The following RASA1 variants were observed in gnomAD, a reference collection of about 807,000 sequenced individuals.
RASA1 encodes the protein ras GTPase-activating protein 1.
A neutral mutation model predicts 132.2 loss-of-function variants in RASA1; 25 were observed. That is an observed-to-expected ratio of 0.19 (90% CI 0.14 to 0.26). The LOEUF is 0.26. Among genes scored for constraint, RASA1 ranks in the 10% least tolerant of loss-of-function variants. The pLI is 1.00. For missense variants in RASA1, 964 were observed against 1,299.2 expected, an observed-to-expected ratio of 0.74 and a Z score of 3.97; for synonymous variants, 477 against 449.9, an observed-to-expected ratio of 1.06 and a Z score of -0.76.
At chr5:87,346,637 C>A (rs1371870023) in intron 6 of RASA1, 35 bp from the exon 7 acceptor site, 1 of 1,387,912 alleles carries the variant, frequency 7.2e-7, no homozygotes, top group Non-Finnish European at 1.0e-6. Context: ...GCAAAAAGGA[C>A]TTTATTTATA....
At chr5:87,273,810 G>A (rs958339394) in intron 1 of RASA1, among the ~76,000 whole-genome samples, 1 of 150,294 alleles carries the variant, frequency 6.7e-6, no homozygotes, top group African/African-American at 2.5e-5. Flanking sequence ...TGATTCTCCT[G>A]CCTCTGCCTC....
intron 9 of RASA1, among the ~76,000 whole-genome samples, chr5:87,359,512 T>G (rs1759913841): frequency 6.6e-6 from 1 of 152,152 alleles, no homozygotes; most frequent in African/African-American, 2.4e-5. Context: ...TCTATATAGA[T>G]TCCAAGATCT....
At chr5:87,369,930 TAC>T in intron 12 of RASA1, 30 bp downstream of exon 12, 1 of 1,525,122 alleles carries the variant, frequency 6.6e-7, no homozygotes, top group Non-Finnish European at 9.1e-7. Flanking sequence ...AACTACAGTA[TAC>T]TTTTATGTTA....
intron 1 of RASA1, among the ~76,000 whole-genome samples, chr5:87,312,789 G>A (rs1756017102): frequency 6.6e-6 from 1 of 152,074 alleles, no homozygotes; most frequent in South Asian, 2.1e-4. Flanking sequence ...TCAGAGTACT[G>A]GAAAATCTAG....
chr5:87,351,697 C>T (rs1390204873), intron 8 of RASA1, among the ~76,000 whole-genome samples: 1 of 151,558 alleles, frequency 6.6e-6, no homozygotes, highest in Non-Finnish European at 1.5e-5. Context: ...CTGTTTATTT[C>T]GGTGTTTCTG....
Position 87,280,820 on chromosome 5 carries a change from G to A in RASA1, c.539+11830G>A, listed in dbSNP as rs114966841. Among the ~76,000 whole-genome samples, 775 of 150,924 alleles carry A rather than the reference G, an allele frequency of 5.1e-3. 4 individuals carry two copies. Among genetic ancestry groups the A allele is most frequent in the Non-Finnish European group, 8.5e-3 (574 of 67,760 alleles). On this transcript the variant is annotated intron_variant, in intron 1 of 24. Transcript: ENST00000274376. ...CGCCCAGGCTGGAGTATGGTGGTCC[G>A]ATCTCGGCTGACTGCAAAGTCCACC...
In RASA1 at chr5:87,386,926, C is replaced by CT. The variant is rs749486907; in HGVS notation, c.2925+30dup. ...GGGGTATGTATATAGTTTTCAGGTA[C>CT]TTTTTTTAAGACTTCTAGTTGATAT... On this transcript the variant is annotated intron_variant, in intron 23 of 24. Coordinates refer to ENST00000274376, the MANE Select transcript of RASA1 (RefSeq NM_002890.3). The CT allele has an allele frequency of 9.9e-5, 157 of 1,584,442 alleles. No individual in the cohort carries two copies. In the Middle Eastern group the frequency reaches 1.3e-3, roughly 13 times the overall value.
intron 15 of RASA1, among the ~76,000 whole-genome samples, chr5:87,375,726 A>ATTTACCAGTTC (rs1268143193): frequency 6.6e-6 from 1 of 152,140 alleles, no homozygotes; most frequent in Non-Finnish European, 1.5e-5. Flanking sequence ...TGACAGTGAG[A>ATTTACCAGTTC]TTTACCAGTT....
At chr5:87,296,360 T>C (rs761324853) in intron 1 of RASA1, among the ~76,000 whole-genome samples, 3 of 152,174 alleles carry the variant, frequency 2.0e-5, no homozygotes, top group Non-Finnish European at 4.4e-5. Context: ...CTGTTACCTT[T>C]TAGCTGAATT....
chr5:87,374,331 T>A lies in RASA1; in HGVS notation c.1934+11T>A. The stretch of plus-strand genomic sequence containing the variant: ...AGAGTTTGTCTTTGAGTAAGTCTTA[T>A]TTTATCATTACATTAATCATTTTCT... On this transcript the variant is annotated intron_variant, in intron 14 of 24. Transcript: ENST00000274376. The A allele has an allele frequency of 3.1e-6, 5 of 1,596,988 alleles. No homozygotes were observed. The highest frequency in any genetic ancestry group is 4.3e-6 in the Non-Finnish European group (5 of 1,169,168).
intron 1 of RASA1, among the ~76,000 whole-genome samples, chr5:87,308,952 T>C (rs1247636182): frequency 4.6e-5 from 7 of 152,174 alleles, no homozygotes; most frequent in South Asian, 2.1e-4. Flanking sequence ...TTTCTTAGAA[T>C]GTATCCCTGT....
chr5:87,287,572 A>G (rs1443972979), intron 1 of RASA1, among the ~76,000 whole-genome samples: 1 of 149,510 alleles, frequency 6.7e-6, no homozygotes, highest in Non-Finnish European at 1.5e-5. Flanking sequence ...CCATACATAT[A>G]CACACCATAT....
At chr5:87,352,908 GC>G (rs1759378481) in intron 8 of RASA1, among the ~76,000 whole-genome samples, 1 of 151,818 alleles carries the variant, frequency 6.6e-6, no homozygotes, top group Non-Finnish European at 1.5e-5. Context: ...TGACCTGGCT[GC>G]CCACTTGATG....
intron 6 of RASA1, among the ~76,000 whole-genome samples, chr5:87,344,754 A>G (rs1758728987): frequency 6.6e-6 from 1 of 150,422 alleles, no homozygotes; most frequent in East Asian, 2.0e-4. Flanking sequence ...CCTGGCCTCA[A>G]GTGATCCTCC....
rs1761148912 is a variant in RASA1 at position 87,374,145 on chromosome 5, ATATT to A, written c.1777-16_1777-13del. ...GAAATCTGGGGTAATATATATATAT[ATATT>A]TTTTTTTTTTTAGGTCAGCAGCCTT... On this transcript the variant is annotated splice_polypyrimidine_tract_variant and intron_variant, in intron 13 of 24. Transcript: ENST00000274376. The A allele has an allele frequency of 1.2e-4, 162 of 1,347,162 alleles. No homozygotes were observed. Among genetic ancestry groups the A allele is most frequent in the East Asian group, 2.9e-4 (10 of 35,042 alleles). 83.5% of individuals were successfully genotyped at this position (1,347,162 alleles called of 1,614,324 possible).
chr5:87,375,470 A>T (rs1761263396), intron 15 of RASA1, among the ~76,000 whole-genome samples: 1 of 152,200 alleles, frequency 6.6e-6, no homozygotes, highest in Non-Finnish European at 1.5e-5. Context: ...CATGTTGGCC[A>T]GGCTGGTTTC....
At position 87,268,004 on chromosome 5, in the gene RASA1, C is replaced by A; in HGVS notation, c.-448C>A. ...GGAGGATGAAGCGGCTGCAGTGGCC[C>A]CAGCCTCAGCAGCGGCACCGGCGGT... is the stretch of plus-strand genomic sequence containing the variant. On this transcript the variant is annotated 5_prime_UTR_variant, in exon 1 of 25. Transcript: ENST00000274376. The A allele has an allele frequency of 2.5e-6, 1 of 407,288 alleles. No individual in the cohort carries two copies. The highest frequency in any genetic ancestry group is 4.3e-6 in the Non-Finnish European group (1 of 231,552). The allele number at this position is 407,288 out of a possible 1,614,324, so 25.2% of individuals were successfully genotyped here.
At chr5:87,305,082 T>G (rs1755548275) in intron 1 of RASA1, among the ~76,000 whole-genome samples, 1 of 152,140 alleles carries the variant, frequency 6.6e-6, no homozygotes, top group African/African-American at 2.4e-5. Context: ...CTTTCAGAAA[T>G]TTGAAGATAT....
chr5:87,364,555 C>T (rs1178842421), intron 11 of RASA1, among the ~76,000 whole-genome samples: 2 of 151,868 alleles, frequency 1.3e-5, no homozygotes, highest in South Asian at 2.1e-4. Context: ...AGAGTTGTTC[C>T]AAAAAACACA....
Sources: gnomAD v4.1 joint callset for allele counts (sites outside exome capture counted in the v4.1 genomes callset) on GRCh38, gnomAD v4.1.1 for gene constraint, MANE v1.5 for transcripts, NCBI Gene and HGNC (gene_info 2026-07-23, HGNC 2026-07-21) for gene names.